TBC1D23: variants seen among roughly 807,000 people sequenced by gnomAD.
The protein encoded by TBC1D23 is TBC1 domain family member 23.
A neutral mutation model predicts 91.4 loss-of-function variants in TBC1D23; 55 were observed. That is an observed-to-expected ratio of 0.60 (90% CI 0.48 to 0.75). The LOEUF (loss-of-function observed/expected upper bound fraction) is 0.75, where lower values mean the gene tolerates loss of function less well. Ranked by LOEUF, TBC1D23 falls within the 30% of genes least tolerant of loss-of-function variation. The pLI, the probability that TBC1D23 is intolerant of heterozygous loss-of-function variation, is 0.00. For synonymous variants in TBC1D23, 289 were observed against 281.0 expected, an observed-to-expected ratio of 1.03 and a Z score of -0.28; for missense variants, 725 against 836.1, an observed-to-expected ratio of 0.87 and a Z score of 1.64.
chr3:100,296,890 G>A (rs1229243960), intron 8 of TBC1D23, among the ~76,000 whole-genome samples: 1 of 151,214 alleles, frequency 6.6e-6, no homozygotes, highest in Non-Finnish European at 1.5e-5. Context: ...TTATATTACA[G>A]TAGTAATCCA....
intron 13 of TBC1D23, among the ~76,000 whole-genome samples, 165 bp from the exon 14 acceptor site, chr3:100,310,238 C>A (rs1705602739): frequency 6.6e-6 from 1 of 152,158 alleles, no homozygotes; most frequent in African/African-American, 2.4e-5. Flanking sequence ...CCTGTAGAGG[C>A]CTTGTCTCCA....
chr3:100,319,052 C>A lies in TBC1D23; in HGVS notation c.1688-17C>A. The A allele has an allele frequency of 6.7e-7, 1 of 1,493,848 alleles. No individual in the cohort carries two copies. The highest frequency in any genetic ancestry group is 9.2e-7 in the Non-Finnish European group (1 of 1,090,494). The allele number at this position is 1,493,848 out of a possible 1,614,324, so 92.5% of individuals were successfully genotyped here. Reference sequence around the variant, plus strand: ...AAGTTGGTAATATCCATATTTAATACTTTGTATTTTTTATAGATGAAATTG... The same window carrying A: ...AAGTTGGTAATATCCATATTTAATAATTTGTATTTTTTATAGATGAAATTG... On this transcript the variant is annotated splice_polypyrimidine_tract_variant and intron_variant, in intron 16 of 18. Coordinates refer to ENST00000394144, the MANE Select transcript of TBC1D23 (RefSeq NM_001199198.3).
intron 4 of TBC1D23, among the ~76,000 whole-genome samples, chr3:100,287,896 C>A (rs185833609): frequency 6.6e-6 from 1 of 151,590 alleles, no homozygotes; most frequent in East Asian, 1.9e-4. Context: ...TGGGACTACA[C>A]GTACATGCCA....
At chr3:100,321,009 A>T in intron 18 of TBC1D23, 38 bp downstream of exon 18, 1 of 1,444,578 alleles carries the variant, frequency 6.9e-7, no homozygotes, top group South Asian at 1.3e-5. Context: ...CTGAATTCAG[A>T]TATTATCTGA....
At chr3:100,311,928 T>C in intron 15 of TBC1D23, 51 bp downstream of exon 15, 2 of 1,228,032 alleles carry the variant, frequency 1.6e-6, no homozygotes, top group Non-Finnish European at 2.3e-6. Flanking sequence ...TCCTTTAATA[T>C]GCTTCATGCC....
chr3:100,314,575 G>A (rs1357406466), intron 15 of TBC1D23, among the ~76,000 whole-genome samples: 1 of 152,066 alleles, frequency 6.6e-6, no homozygotes. Flanking sequence ...AGACCATTCT[G>A]TGCAGCATAG....
At chr3:100,316,998 G>C (rs1016291322) in intron 16 of TBC1D23, among the ~76,000 whole-genome samples, 1 of 151,322 alleles carries the variant, frequency 6.6e-6, no homozygotes, top group Non-Finnish European at 1.5e-5. Flanking sequence ...CAAGAGAATC[G>C]CTTTAACCCA....
intron 13 of TBC1D23, among the ~76,000 whole-genome samples, chr3:100,308,834 T>G (rs1705565918): frequency 6.6e-6 from 1 of 152,248 alleles, no homozygotes; most frequent in Admixed American, 6.5e-5. Flanking sequence ...GAGGAATTAA[T>G]TGGCAGAAAA....
At chr3:100,286,372 A>G (rs1280185524) in intron 4 of TBC1D23, among the ~76,000 whole-genome samples, 2 of 152,188 alleles carry the variant, frequency 1.3e-5, no homozygotes, top group East Asian at 1.9e-4. Flanking sequence ...CTGTGTTGTC[A>G]GGTTTCTCTA....
intron 16 of TBC1D23, among the ~76,000 whole-genome samples, 159 bp from the exon 17 acceptor site, chr3:100,318,909 TC>T (rs1559816846): frequency 6.6e-6 from 1 of 152,182 alleles, no homozygotes. Context: ...TGCCTCAGCC[TC>T]CCAAAGTGCT....
chr3:100,278,071 G>A (rs183899076), intron 1 of TBC1D23, among the ~76,000 whole-genome samples: 1 of 152,204 alleles, frequency 6.6e-6, no homozygotes, highest in Admixed American at 6.5e-5. Flanking sequence ...CTTTCTCTTA[G>A]GAGAGCAACG....
intron 5 of TBC1D23, among the ~76,000 whole-genome samples, chr3:100,293,340 A>G (rs1312381441): frequency 2.0e-5 from 3 of 151,808 alleles, no homozygotes; most frequent in Non-Finnish European, 4.4e-5. Flanking sequence ...TCACCATGTT[A>G]GCCAGGATGG....
chr3:100,278,747 T>C (rs1206002637), intron 1 of TBC1D23, among the ~76,000 whole-genome samples: 1 of 152,246 alleles, frequency 6.6e-6, no homozygotes, highest in Non-Finnish European at 1.5e-5. Context: ...GTAAAAGTAT[T>C]CTTTTAATTA....
intron 8 of TBC1D23, among the ~76,000 whole-genome samples, chr3:100,296,999 G>A (rs187877001): frequency 4.3e-4 from 66 of 152,086 alleles, no homozygotes; most frequent in Middle Eastern, 6.8e-3. Context: ...TTTAGGCCCC[G>A]TAAAGACTTA....
At chr3:100,284,890 C>G (rs964344751) in intron 4 of TBC1D23, among the ~76,000 whole-genome samples, 5 of 152,100 alleles carry the variant, frequency 3.3e-5, no homozygotes, top group African/African-American at 1.2e-4. Flanking sequence ...AAATGAAAAT[C>G]TCTTGGTGAT....
At position 100,297,994 on chromosome 3, in the gene TBC1D23, TTGTC is replaced by T. The variant is rs773150360; in HGVS notation, c.951_954del (p.Cys317TrpfsTer43). 10 of 1,613,502 alleles carry T rather than the reference TTGTC, an allele frequency of 6.2e-6. No individual in the cohort carries two copies. Among genetic ancestry groups the T allele is most frequent in the Admixed American group, 1.7e-5 (1 of 59,958 alleles). On this transcript the variant is annotated frameshift_variant, in exon 9 of 19. Coordinates refer to ENST00000394144, the MANE Select transcript of TBC1D23 (RefSeq NM_001199198.3). LOFTEE classifies it high-confidence loss of function. ...ATGATGCAGATCTGAGTCAGGCTCTTTGTCTGGCCATCTCCGTGTCAGAGATCCT... is the reference window on the plus strand; with the variant it reads ...ATGATGCAGATCTGAGTCAGGCTCTTTGGCCATCTCCGTGTCAGAGATCCT...
intron 1 of TBC1D23, among the ~76,000 whole-genome samples, chr3:100,270,306 A>G (rs1362174729): frequency 6.6e-6 from 1 of 152,204 alleles, no homozygotes; most frequent in Admixed American, 6.5e-5. Context: ...AGCAGAGGAA[A>G]ATCTAAATGA....
chr3:100,285,821 G>A (rs564972750), intron 4 of TBC1D23, among the ~76,000 whole-genome samples: 64 of 152,196 alleles, frequency 4.2e-4, no homozygotes, highest in Admixed American at 1.0e-3. Flanking sequence ...GGCTAATGAT[G>A]TTGAGCATCT....
chr3:100,302,595 T>A (rs1705452431), intron 11 of TBC1D23, among the ~76,000 whole-genome samples: 1 of 152,352 alleles, frequency 6.6e-6, no homozygotes, highest in South Asian at 2.1e-4. Context: ...CTATTTGTTA[T>A]TATTTTTTTG....
Sources: allele counts gnomAD v4.1 joint callset (sites outside exome capture counted in the v4.1 genomes callset), GRCh38; gene constraint gnomAD v4.1.1; transcripts MANE v1.5; gene names NCBI Gene and HGNC (gene_info 2026-07-23, HGNC 2026-07-21).